Variants in CYSLTR2 observed in about 807,000 individuals in gnomAD.
CYSLTR2 encodes G-protein coupled receptor GPCR21.
For missense variants in CYSLTR2, 398 were observed against 411.9 expected, an observed-to-expected ratio of 0.97 and a Z score of 0.29; for synonymous variants, 179 against 160.8, an observed-to-expected ratio of 1.11 and a Z score of -0.86.
intron 1 of CYSLTR2, among the ~76,000 whole-genome samples, chr13:48,670,180 C>T (rs574967691): frequency 2.0e-5 from 3 of 152,064 alleles, no homozygotes; most frequent in Admixed American, 6.5e-5. Context: ...GATATTAGCC[C>T]TTTGTCAGAT....
intron 2 of CYSLTR2, among the ~76,000 whole-genome samples, chr13:48,692,181 A>T (rs1954056227): frequency 6.6e-6 from 1 of 152,028 alleles, no homozygotes; most frequent in African/African-American, 2.4e-5. Flanking sequence ...TATAGATGAC[A>T]TTGTAAAAAA....
At chr13:48,698,848 CA>C (rs748544955) in intron 4 of CYSLTR2, among the ~76,000 whole-genome samples, 2 of 151,054 alleles carry the variant, frequency 1.3e-5, no homozygotes, top group African/African-American at 2.4e-5. Flanking sequence ...AAATGGAAAA[CA>C]AAAAAAAGCA....
intron 1 of CYSLTR2, among the ~76,000 whole-genome samples, chr13:48,664,648 T>C (rs1231267656): frequency 1.3e-5 from 2 of 152,102 alleles, no homozygotes; most frequent in Non-Finnish European, 2.9e-5. Context: ...CTAATGATCC[T>C]TTGTATTTCT....
At chr13:48,661,142 G>A (rs1419763488) in intron 1 of CYSLTR2, among the ~76,000 whole-genome samples, 8 of 151,286 alleles carry the variant, frequency 5.3e-5, no homozygotes. Flanking sequence ...TATTGAGACA[G>A]TGTCTTGCTC....
chr13:48,673,408 T>C (rs1328439122), intron 1 of CYSLTR2, among the ~76,000 whole-genome samples: 1 of 148,632 alleles, frequency 6.7e-6, no homozygotes, highest in Non-Finnish European at 1.5e-5. Flanking sequence ...GTCTGTCTTA[T>C]CAGAGACTAG....
chr13:48,690,919 C>T (rs943777052), intron 1 of CYSLTR2, among the ~76,000 whole-genome samples: 9 of 152,002 alleles, frequency 5.9e-5, no homozygotes, highest in Admixed American at 5.2e-4. Flanking sequence ...TTAATTACTG[C>T]CTCAATTTAA....
chr13:48,690,261 T>G (rs1262004345), intron 1 of CYSLTR2, among the ~76,000 whole-genome samples: 1 of 152,188 alleles, frequency 6.6e-6, no homozygotes, highest in Non-Finnish European at 1.5e-5. Context: ...TCTTGCCTGA[T>G]TGTCCTGGCC....
At chr13:48,697,951 G>A (rs1954237627) in intron 4 of CYSLTR2, among the ~76,000 whole-genome samples, 1 of 152,130 alleles carries the variant, frequency 6.6e-6, no homozygotes, top group Non-Finnish European at 1.5e-5. Flanking sequence ...AATGAAGCAA[G>A]AAGAGAAGCA....
At chr13:48,698,656 A>G (rs2138973738) in intron 4 of CYSLTR2, among the ~76,000 whole-genome samples, 1 of 152,324 alleles carries the variant, frequency 6.6e-6, no homozygotes, top group South Asian at 2.1e-4. Context: ...AACAAGATCA[A>G]ATTCACACAT....
At chr13:48,668,674 G>T (rs565532204) in intron 1 of CYSLTR2, among the ~76,000 whole-genome samples, 2 of 151,998 alleles carry the variant, frequency 1.3e-5, no homozygotes, top group African/African-American at 4.8e-5. Context: ...TTGATACATA[G>T]GTATATATGT....
intron 1 of CYSLTR2, among the ~76,000 whole-genome samples, chr13:48,683,345 A>G (rs1274348431): frequency 6.6e-6 from 1 of 152,226 alleles, no homozygotes; most frequent in Non-Finnish European, 1.5e-5. Flanking sequence ...CACTCTCACA[A>G]ACAGTGTATA....
At chr13:48,676,691 C>T (rs916908230) in intron 1 of CYSLTR2, among the ~76,000 whole-genome samples, 2 of 152,144 alleles carry the variant, frequency 1.3e-5, no homozygotes, top group African/African-American at 2.4e-5. Context: ...GAGGTAGAGG[C>T]AGAATCTCCA....
intron 1 of CYSLTR2, among the ~76,000 whole-genome samples, chr13:48,673,350 CATT>C (rs1236047461): frequency 6.7e-6 from 1 of 148,230 alleles, no homozygotes; most frequent in African/African-American, 2.5e-5. Flanking sequence ...ATCGCTTTAT[CATT>C]ATGTGATTCC....
chr13:48,683,691 A>T (rs560303926), intron 1 of CYSLTR2, among the ~76,000 whole-genome samples: 144 of 151,302 alleles, frequency 9.5e-4, no homozygotes, highest in Non-Finnish European at 1.3e-3. Context: ...TTGTCTGTTT[A>T]CTCTGTTGAT....
chr13:48,705,996 G>GTTTTTTTTTTTTTTTTTTTTT (rs368909553), intron 4 of CYSLTR2, among the ~76,000 whole-genome samples: 1 of 128,588 alleles, frequency 7.8e-6, no homozygotes, highest in Non-Finnish European at 1.6e-5. Flanking sequence ...TTGTTTTGTT[G>GTTTTTTTTTTTTTTTTTTTTT]TTGTTTTTTT....
intron 1 of CYSLTR2, among the ~76,000 whole-genome samples, chr13:48,683,667 T>C (rs1377826900): frequency 1.3e-5 from 2 of 152,188 alleles, no homozygotes; most frequent in African/African-American, 4.8e-5. Context: ...AAAAATTTTC[T>C]CCTATTCTGT....
chr13:48,685,733 A>G (rs1252831371), intron 1 of CYSLTR2, among the ~76,000 whole-genome samples: 1 of 152,182 alleles, frequency 6.6e-6, no homozygotes, highest in Non-Finnish European at 1.5e-5. Flanking sequence ...TTAACATTAT[A>G]TTCTAGATAA....
intron 1 of CYSLTR2, among the ~76,000 whole-genome samples, chr13:48,658,338 ACAT>A (rs1953047712): frequency 6.6e-6 from 1 of 152,218 alleles, no homozygotes; most frequent in Non-Finnish European, 1.5e-5. Flanking sequence ...AAACACATTA[ACAT>A]CATTTCATTA....
At chr13:48,698,789 G>A (rs1954262661) in intron 4 of CYSLTR2, among the ~76,000 whole-genome samples, 2 of 152,074 alleles carry the variant, frequency 1.3e-5, no homozygotes, top group African/African-American at 4.8e-5. Context: ...CTCACATGCA[G>A]AAACACACAT....
Sources: allele counts gnomAD v4.1 joint callset (sites outside exome capture counted in the v4.1 genomes callset), GRCh38; gene constraint gnomAD v4.1.1; transcripts MANE v1.5; gene names NCBI Gene and HGNC (gene_info 2026-07-23, HGNC 2026-07-21).